Variants in SRBD1 observed in about 807,000 individuals in gnomAD.
The protein encoded by SRBD1 is S1 RNA-binding domain-containing protein 1.
SRBD1 carries 88 observed loss-of-function variants against 115.3 expected under a neutral mutation model. That is an observed-to-expected ratio of 0.76 (90% CI 0.64 to 0.91). The LOEUF (loss-of-function observed/expected upper bound fraction) is 0.91, where lower values mean the gene tolerates loss of function less well. Ranked by LOEUF, SRBD1 falls within the 40% of genes least tolerant of loss-of-function variation. SRBD1 has a pLI of 0.00. For synonymous variants in SRBD1, 509 were observed against 407.7 expected, an observed-to-expected ratio of 1.25 and a Z score of -2.99; for missense variants, 1,385 against 1,177.4, an observed-to-expected ratio of 1.18 and a Z score of -2.58.
At chr2:45,480,992 C>T (rs1572687348) in intron 15 of SRBD1, among the ~76,000 whole-genome samples, 1 of 152,172 alleles carries the variant, frequency 6.6e-6, no homozygotes, top group Admixed American at 6.6e-5. Context: ...ACTGCCACCA[C>T]ATCTCAGCCT....
At chr2:45,427,703 C>T (rs1172007070) in intron 16 of SRBD1, among the ~76,000 whole-genome samples, 6 of 152,144 alleles carry the variant, frequency 3.9e-5, no homozygotes, top group Middle Eastern at 6.8e-3. Flanking sequence ...AACATCAATG[C>T]GAAAATCCTG....
At chr2:45,602,229 AT>A (rs1173580315) in intron 2 of SRBD1, 146 bp from the exon 3 acceptor site, 22 of 914,772 alleles carry the variant, frequency 2.4e-5, no homozygotes, top group African/African-American at 5.0e-5. Flanking sequence ...GTGAACAGTT[AT>A]TGCTAAGAAT....
At chr2:45,562,783 A>G (rs373199404) in intron 9 of SRBD1, 27 bp from the exon 10 acceptor site, 2 of 1,478,816 alleles carry the variant, frequency 1.4e-6, no homozygotes, top group African/African-American at 2.8e-5. Context: ...GGCAAAGACT[A>G]ATAATCCACA....
At chr2:45,526,596 A>G (rs538825036) in intron 14 of SRBD1, among the ~76,000 whole-genome samples, 2 of 152,090 alleles carry the variant, frequency 1.3e-5, no homozygotes, top group East Asian at 3.9e-4. Flanking sequence ...TCAAATAGGT[A>G]AATTATATGG....
intron 15 of SRBD1, among the ~76,000 whole-genome samples, chr2:45,486,628 G>T (rs1035690497): frequency 1.3e-5 from 2 of 151,984 alleles, no homozygotes; most frequent in Admixed American, 6.5e-5. Flanking sequence ...AGCTACTTGG[G>T]ATGCTGAGGC....
At chr2:45,408,286 GA>G (rs949802135) in intron 19 of SRBD1, among the ~76,000 whole-genome samples, 15 of 152,182 alleles carry the variant, frequency 9.9e-5, no homozygotes, top group Admixed American at 5.2e-4. Context: ...TTGATAGACA[GA>G]AATTACTATC....
intron 18 of SRBD1, among the ~76,000 whole-genome samples, chr2:45,417,966 C>G (rs1184997101): frequency 2.6e-5 from 4 of 152,202 alleles, no homozygotes; most frequent in African/African-American, 9.7e-5. Flanking sequence ...CTGGAATGCT[C>G]TCTTTCTGAT....
rs1674044953 is a variant in SRBD1 at position 45,600,079 on chromosome 2, G to T, written c.262-244C>A. Among the ~76,000 whole-genome samples, 3 of 152,182 alleles carry T rather than the reference G, an allele frequency of 2.0e-5. No individual in the cohort carries two copies. The South Asian group carries it at 6.2e-4, about 32-fold the overall frequency. ...GGTCAGAGATGATGGGGGGAGGTGG[G>T]TGTGGCTATAAAAGGGCAACACTAG... On this transcript the variant is annotated intron_variant, in intron 3 of 20. Coordinates refer to ENST00000263736, the MANE Select transcript of SRBD1 (RefSeq NM_018079.5).
At chr2:45,432,188 C>T (rs769409214) in intron 16 of SRBD1, among the ~76,000 whole-genome samples, 5 of 152,210 alleles carry the variant, frequency 3.3e-5, no homozygotes, top group East Asian at 3.9e-4. Flanking sequence ...TGCCACCACG[C>T]GCAGCTAATG....
At chr2:45,440,452 T>G (rs1319936883) in intron 16 of SRBD1, among the ~76,000 whole-genome samples, 3 of 152,204 alleles carry the variant, frequency 2.0e-5, no homozygotes, top group Non-Finnish European at 4.4e-5. Flanking sequence ...TACCTTGCAC[T>G]ATTCTAATTT....
chr2:45,450,729 A>G (rs1668967423), intron 16 of SRBD1, among the ~76,000 whole-genome samples: 1 of 152,136 alleles, frequency 6.6e-6, no homozygotes, highest in Admixed American at 6.6e-5. Flanking sequence ...AAGGGAAAAA[A>G]GGCAAAAGTG....
intron 9 of SRBD1, among the ~76,000 whole-genome samples, chr2:45,570,413 A>C (rs570376701): frequency 5.6e-4 from 86 of 152,316 alleles, no homozygotes; most frequent in African/African-American, 1.9e-3. Context: ...GGTAATAAAG[A>C]AAACTTTATA....
chr2:45,433,545 G>A (rs879565356), intron 16 of SRBD1, among the ~76,000 whole-genome samples: 1 of 152,002 alleles, frequency 6.6e-6, no homozygotes, highest in Non-Finnish European at 1.5e-5. Context: ...CAGTTTTTAA[G>A]AGTCATCCAA....
At position 45,594,364 on chromosome 2, in the gene SRBD1, C is replaced by G. The variant is rs550905367; in HGVS notation, c.648+5085G>C. Among the ~76,000 whole-genome samples the G allele has an allele frequency of 1.4e-4, 22 of 152,326 alleles. 1 individual carries two copies. The South Asian group carries it at 4.6e-3, about 32-fold the overall frequency. On this transcript the variant is annotated intron_variant, in intron 4 of 20. Coordinates refer to ENST00000263736, the MANE Select transcript of SRBD1 (RefSeq NM_018079.5). ...TTTACTAAGATATTACACATGGCTGCTCAACTCCCCTACACTCACCACTCC... is the reference window on the plus strand; with the variant it reads ...TTTACTAAGATATTACACATGGCTGGTCAACTCCCCTACACTCACCACTCC...
rs373161676 is a variant in SRBD1 at position 45,546,836 on chromosome 2, G to A, written c.1770C>T (p.Cys590=). The A allele has an allele frequency of 8.1e-6, 13 of 1,613,738 alleles. No individual in the cohort carries two copies. The African/African-American group carries it at 1.7e-4, about 22-fold the overall frequency. Residue 590 remains cysteine, a synonymous_variant, in exon 14 of 21, where the codon TGC becomes TGT. Transcript: ENST00000263736. ...KIKTLLLNFN[C]STVVIGNGTA... ...TTCCATTTCCAATCACTACTGTGCTGCAGCTTCAAGGCAGAAACAGAATGA... is the reference window on the plus strand; with the variant it reads ...TTCCATTTCCAATCACTACTGTGCTACAGCTTCAAGGCAGAAACAGAATGA...
At chr2:45,536,898 C>T (rs1423395922) in intron 14 of SRBD1, among the ~76,000 whole-genome samples, 1 of 152,140 alleles carries the variant, frequency 6.6e-6, no homozygotes, top group Non-Finnish European at 1.5e-5. Flanking sequence ...TTTCATAGAG[C>T]AATGTTCCTC....
At chr2:45,534,085 CAA>C (rs1164078458) in intron 14 of SRBD1, among the ~76,000 whole-genome samples, 1 of 151,906 alleles carries the variant, frequency 6.6e-6, no homozygotes, top group Non-Finnish European at 1.5e-5. Context: ...ACATGGGTTA[CAA>C]AACTGGTAAA....
rs540862690 is a variant in SRBD1, at chr2:45,446,720, C to T, written c.2050-26826G>A. 2.7e-4 allele frequency among the ~76,000 whole-genome samples: 40 copies of T among 149,836 alleles called. 1 individual carries two copies. The South Asian group carries it at 8.4e-3, about 32-fold the overall frequency. ...ATGGAAAAAAAAAAACCCCACAGAA[C>T]ACCTACAAAAAAACAAAAACACCCC... is the stretch of plus-strand genomic sequence containing the variant. On this transcript the variant is annotated intron_variant, in intron 16 of 20. Coordinates refer to ENST00000263736, the MANE Select transcript of SRBD1 (RefSeq NM_018079.5).
Position 45,414,822 on chromosome 2 carries a change from T to G in SRBD1, c.2334-1529A>C, listed in dbSNP as rs537580831. 4.8e-4 allele frequency among the ~76,000 whole-genome samples: 72 copies of G among 148,500 alleles called. 2 individuals are homozygous for G. The East Asian group carries it at 0.011, about 23-fold the overall frequency. ...ATAGTATGTACACACACATATAGTG[T>G]GTATATAGTATGTACACACACATAT... On this transcript the variant is annotated intron_variant, in intron 18 of 20. Transcript: ENST00000263736.
Sources: gnomAD v4.1 joint callset for allele counts (sites outside exome capture counted in the v4.1 genomes callset) on GRCh38, gnomAD v4.1.1 for gene constraint, MANE v1.5 for transcripts, NCBI Gene and HGNC (gene_info 2026-07-23, HGNC 2026-07-21) for gene names.